Variants in SPG11 observed in about 807,000 individuals in gnomAD.
SPG11 encodes spatacsin.
In SPG11, 222 loss-of-function variants were observed where a neutral mutation model predicts 274.0. That is an observed-to-expected ratio of 0.81 (90% CI 0.73 to 0.91). The LOEUF (loss-of-function observed/expected upper bound fraction) is 0.91. Ranked by LOEUF, SPG11 falls within the 40% of genes least tolerant of loss-of-function variation. The pLI is 0.00. For missense variants in SPG11, 3,114 were observed against 2,872.7 expected, an observed-to-expected ratio of 1.08 and a Z score of -1.92; for synonymous variants, 1,144 against 1,039.7, an observed-to-expected ratio of 1.10 and a Z score of -1.93.
At chr15:44,657,356 A>T in intron 3 of SPG11, 60 bp from the exon 4 acceptor site, 5 of 1,511,198 alleles carry the variant, frequency 3.3e-6, no homozygotes, top group Non-Finnish European at 4.6e-6. Flanking sequence ...TATTTAAAGC[A>T]CAGGTTGGGA....
At position 44,626,458 on chromosome 15, in the gene SPG11, G is replaced by A; in HGVS notation, c.2117C>T (p.Thr706Ile). 1 of 1,613,998 alleles carries A rather than the reference G, an allele frequency of 6.2e-7. No individual in the cohort carries two copies. The highest frequency in any genetic ancestry group is 1.7e-4 in the Middle Eastern group (1 of 6,058). ...AGAATGACTATCAATCCTGAAGAAA[G>A]TCTGTGCCTCTGGTATTTTGTTGTT... The part of the protein sequence containing the change: ...ILNNKIPEAQ[T>I]FFRIDSHSAQ... Residue 706 changes from threonine to isoleucine, a missense_variant, in exon 11 of 40, where the codon ACT becomes ATT. Thr to Ile is a moderately conservative substitution (Grantham distance 89). Coordinates refer to ENST00000261866, the MANE Select transcript of SPG11 (RefSeq NM_025137.4).
chr15:44,636,926 A>AAAAAAAAAAAAAAAAAC (rs2084278422), intron 7 of SPG11, among the ~76,000 whole-genome samples: 1 of 98,366 alleles, frequency 1.0e-5, no homozygotes, highest in Non-Finnish European at 2.0e-5. Flanking sequence ...ACTCCATCTC[A>AAAAAAAAAAAAAAAAAC]AAAAAAAAAA....
chr15:44,608,340 T>C, intron 19 of SPG11, 104 bp downstream of exon 19: 3 of 1,244,020 alleles, frequency 2.4e-6, no homozygotes, highest in Non-Finnish European at 3.5e-6. Flanking sequence ...GCTGTGTAAG[T>C]AATTCCCTAC....
intron 4 of SPG11, among the ~76,000 whole-genome samples, chr15:44,655,980 CTG>C (rs1429542919): frequency 6.6e-6 from 1 of 151,940 alleles, no homozygotes; most frequent in Non-Finnish European, 1.5e-5. Context: ...CTGGGAGAAA[CTG>C]TAACTGTGGA....
chr15:44,606,620 T>C (rs541983965), intron 19 of SPG11, among the ~76,000 whole-genome samples: 1 of 152,156 alleles, frequency 6.6e-6, no homozygotes, highest in Non-Finnish European at 1.5e-5. Context: ...CAGCAAGTAG[T>C]GGTTGTTTGG....
rs759591726 is a variant in SPG11 at position 44,633,583 on chromosome 15, C to T, written c.1657G>A (p.Glu553Lys). 11 of 1,613,004 alleles carry T rather than the reference C, an allele frequency of 6.8e-6. No homozygotes were observed. In the African/African-American group the frequency reaches 1.3e-4, roughly 20 times the overall value. ...TTTGAGGATGGATTAAAAAGATTTT[C>T]CTTGCTCTTCAAAAAGAAATTTACT... ...DTVNFFLKSK[E>K]NLFNPSSKSS... The change falls in exon 8 of 40, where the codon GAA becomes AAA. Residue 553 changes from glutamate (E) to lysine (K), a missense_variant. Coordinates refer to ENST00000261866, the MANE Select transcript of SPG11 (RefSeq NM_025137.4).
Position 44,584,319 on chromosome 15 carries a change from G to A in SPG11, c.5361C>T (p.Asp1787=), listed in dbSNP as rs141421410. The part of the protein sequence containing the change: ...TLAGHWLAQE[D]VVPLDKLEEL... The stretch of plus-strand genomic sequence containing the variant: ...CCTCCAGCTTATCCAAGGGCACCAC[G>A]TCCTCCTGGGCAAGCCAGTGCCCTG... The change falls in exon 30 of 40, where the codon GAC becomes GAT. Residue 1787 remains aspartate, a synonymous_variant. Transcript: ENST00000261866. 200 of 1,611,360 alleles carry A rather than the reference G, an allele frequency of 1.2e-4. No homozygotes were observed. Among genetic ancestry groups the A allele is most frequent in the Admixed American group, 1.8e-4 (11 of 59,794 alleles).
chr15:44,628,153 A>G (rs1309682930), intron 10 of SPG11, among the ~76,000 whole-genome samples: 2 of 152,256 alleles, frequency 1.3e-5, no homozygotes, highest in Non-Finnish European at 2.9e-5. Flanking sequence ...TAGTTGTATT[A>G]TAACTTTTAC....
At chr15:44,587,657 C>T (rs925691050) in intron 28 of SPG11, among the ~76,000 whole-genome samples, 1 of 124,870 alleles carries the variant, frequency 8.0e-6, no homozygotes, top group Admixed American at 9.9e-5. Flanking sequence ...GAACGTGCCA[C>T]TGCACTCCAG....
chr15:44,570,422 CAGA>C (rs1450995418), intron 34 of SPG11, 100 bp downstream of exon 34: 10 of 1,460,462 alleles, frequency 6.8e-6, no homozygotes, highest in Non-Finnish European at 9.4e-6. Context: ...TCCAGATGGG[CAGA>C]ACCCCCTACG....
intron 33 of SPG11, among the ~76,000 whole-genome samples, chr15:44,572,102 ACAGT>A (rs2082436546): frequency 6.6e-6 from 1 of 152,242 alleles, no homozygotes; most frequent in Admixed American, 6.5e-5. Flanking sequence ...ATTCTAATAT[ACAGT>A]TTTTCATTAT....
chr15:44,639,013 A>G (rs1462285697), intron 7 of SPG11, among the ~76,000 whole-genome samples: 2 of 151,990 alleles, frequency 1.3e-5, no homozygotes, highest in East Asian at 1.9e-4. Flanking sequence ...AATAATAATA[A>G]TAGTAACTAT....
intron 26 of SPG11, among the ~76,000 whole-genome samples, chr15:44,593,120 G>A (rs2082945295): frequency 6.6e-6 from 1 of 152,052 alleles, no homozygotes; most frequent in South Asian, 2.1e-4. Context: ...TCAATTTTCT[G>A]TCTACTCTAT....
chr15:44,643,626 C>T (rs1373946362), intron 7 of SPG11, among the ~76,000 whole-genome samples: 1 of 152,046 alleles, frequency 6.6e-6, no homozygotes, highest in African/African-American at 2.4e-5. Context: ...GCAATGCTTT[C>T]TCAGATTCAA....
chr15:44,622,879 A>G (rs2083793177), intron 11 of SPG11, 80 bp from the exon 12 acceptor site: 1 of 969,162 alleles, frequency 1.0e-6, no homozygotes, highest in Admixed American at 1.7e-5. Flanking sequence ...TTAGATACAG[A>G]AACACCCTAT....
intron 19 of SPG11, 173 bp from the exon 20 acceptor site, chr15:44,606,264 C>A: frequency 1.7e-6 from 1 of 580,942 alleles, no homozygotes; most frequent in East Asian, 3.1e-5. Flanking sequence ...AGAATTATGA[C>A]ATATCTTTAT....
Position 44,628,685 on chromosome 15 carries a change from T to C in SPG11, c.2051A>G (p.Lys684Arg). The C allele has an allele frequency of 1.9e-6, 3 of 1,613,658 alleles. No individual in the cohort carries two copies. ...CGTACTTACCTCAAAGCTGAGTTTCTTCCATATATTGCTCTCCTTTACTTT... is the reference window on the plus strand; with the variant it reads ...CGTACTTACCTCAAAGCTGAGTTTCCTCCATATATTGCTCTCCTTTACTTT... ...VPKVKESNIW[K>R]KLSFEEVIAS... is the part of the protein sequence containing the mutation. Residue 684 changes from lysine (K) to arginine (R), a missense_variant, in exon 10 of 40, where the codon AAG becomes AGG. Physicochemically the swap from Lys to Arg is conservative, Grantham distance 26. Transcript: ENST00000261866.
Position 44,663,388 on chromosome 15 carries a change from T to TA in SPG11, c.257+2dup. ...AACGGCCCAACTCTCCCTCAGCACT[T>TA]ACTGCCAGAAGGGGCCCTCCAGGCA... On this transcript the variant is annotated splice_region_variant and intron_variant, in intron 1 of 39. Transcript: ENST00000261866. The TA allele has an allele frequency of 1.2e-6, 2 of 1,606,896 alleles. No individual in the cohort carries two copies. The highest frequency in any genetic ancestry group is 1.7e-6 in the Non-Finnish European group (2 of 1,177,344).
At chr15:44,617,392 T>C (rs2083615987) in intron 15 of SPG11, among the ~76,000 whole-genome samples, 1 of 152,262 alleles carries the variant, frequency 6.6e-6, no homozygotes, top group Non-Finnish European at 1.5e-5. Context: ...TGATGTAATG[T>C]ACAACACAAG....
Sources: gnomAD v4.1 joint callset for allele counts (sites outside exome capture counted in the v4.1 genomes callset) on GRCh38, gnomAD v4.1.1 for gene constraint, MANE v1.5 for transcripts, NCBI Gene and HGNC (gene_info 2026-07-23, HGNC 2026-07-21) for gene names.